Variants in PSPC1 observed in about 807,000 individuals in gnomAD.
The protein encoded by PSPC1 is paraspeckle protein 1.
A neutral mutation model predicts 51.6 loss-of-function variants in PSPC1; 14 were observed. The observed-to-expected ratio is 0.27, with a 90% CI of 0.18 to 0.42. The LOEUF is 0.42. Ranked by LOEUF, PSPC1 falls within the 10% of genes least tolerant of loss-of-function variation. The pLI is 1.00. For missense variants in PSPC1, 406 were observed against 701.1 expected (o/e 0.58, Z 4.75); for synonymous variants, 193 against 231.9 (o/e 0.83, Z 1.53).
At chr13:19,720,217 T>G (rs1389372533) in intron 6 of PSPC1, among the ~76,000 whole-genome samples, 1 of 152,218 alleles carries the variant, frequency 6.6e-6, no homozygotes, top group African/African-American at 2.4e-5. Flanking sequence ...CACATAATAC[T>G]GGTGACTGGT....
In PSPC1 at chr13:19,771,805, G is replaced by A. The variant is rs577466591; in HGVS notation, c.674+437C>T. 3.2e-4 allele frequency among the ~76,000 whole-genome samples: 49 copies of A among 152,210 alleles called. 1 individual carries two copies. Among genetic ancestry groups the A allele is most frequent in the African/African-American group, 1.1e-3 (46 of 41,548 alleles). On this transcript the variant is annotated intron_variant, in intron 2 of 8. Transcript: ENST00000338910. ...CCGGCTAATTTTTGTATTTTTAGTA[G>A]AGATGGGGTTTCATGCCATGTTGGC...
At chr13:19,716,665 A>C (rs984152607) in intron 6 of PSPC1, among the ~76,000 whole-genome samples, 1 of 152,254 alleles carries the variant, frequency 6.6e-6, no homozygotes, top group Non-Finnish European at 1.5e-5. Flanking sequence ...TAAAAAATAT[A>C]TAATTCTAGA....
At chr13:19,730,962 A>AAAAAC (rs1378090972) in intron 5 of PSPC1, among the ~76,000 whole-genome samples, 18 of 19,816 alleles carry the variant, frequency 9.1e-4, no homozygotes, top group Non-Finnish European at 3.3e-3. Context: ...AAAAACAAAA[A>AAAAAC]AACAAAAAAA....
intron 2 of PSPC1, among the ~76,000 whole-genome samples, chr13:19,769,690 G>C (rs1236045991): frequency 6.6e-6 from 1 of 152,128 alleles, no homozygotes; most frequent in Non-Finnish European, 1.5e-5. Flanking sequence ...AGCTGAGATC[G>C]CGCCATTGCA....
intron 2 of PSPC1, among the ~76,000 whole-genome samples, chr13:19,770,928 T>A (rs1014279294): frequency 4.0e-5 from 6 of 151,550 alleles, no homozygotes; most frequent in African/African-American, 1.5e-4. Context: ...AAACACCTCA[T>A]TGAGCTCTAC....
chr13:19,689,219 T>G (rs989978717), intron 6 of PSPC1, among the ~76,000 whole-genome samples: 4 of 152,122 alleles, frequency 2.6e-5, no homozygotes, highest in African/African-American at 4.8e-5. Flanking sequence ...CAGTTCAGAC[T>G]AGAGCAGGAA....
chr13:19,760,528 CAAAAA>C (rs1392875108), intron 2 of PSPC1, among the ~76,000 whole-genome samples: 1 of 109,020 alleles, frequency 9.2e-6, no homozygotes, highest in Non-Finnish European at 2.0e-5. Flanking sequence ...ACTCTGTCAC[CAAAAA>C]AAAAAAAAAA....
Position 19,777,071 on chromosome 13 carries a change from C to T in PSPC1, c.373-4528G>A, listed in dbSNP as rs116643216. The stretch of plus-strand genomic sequence containing the variant: ...CCTGGGGAGGCAAGGCTGCAGTGAG[C>T]CCAGTGTGCCACTGCACTCCAGCCT... On this transcript the variant is annotated intron_variant, in intron 1 of 8. Coordinates refer to ENST00000338910, the MANE Select transcript of PSPC1 (RefSeq NM_001354909.2). 8.8e-3 allele frequency among the ~76,000 whole-genome samples: 1,305 copies of T among 148,766 alleles called. 28 individuals are homozygous for T. The highest frequency in any genetic ancestry group is 0.03 in the African/African-American group (1,205 of 40,494).
intron 3 of PSPC1, among the ~76,000 whole-genome samples, chr13:19,753,669 T>G (rs1311524599): frequency 6.6e-6 from 1 of 152,116 alleles, no homozygotes; most frequent in African/African-American, 2.4e-5. Context: ...AATTTTAACT[T>G]TTATTTTGGG....
chr13:19,781,906 G>A (rs569187369), intron 1 of PSPC1, among the ~76,000 whole-genome samples: 6 of 152,344 alleles, frequency 3.9e-5, no homozygotes, highest in East Asian at 3.9e-4. Flanking sequence ...AGACCCTCAC[G>A]ACCAGTGATA....
At chr13:19,702,111 TC>T (rs1879980931), downstream of PSPC1, among the ~76,000 whole-genome samples, 2 of 133,046 alleles carry the variant, frequency 1.5e-5, no homozygotes, top group Admixed American at 7.7e-5. Flanking sequence ...TGGATGTCTC[TC>T]AGCATTATCT....
intron 6 of PSPC1, among the ~76,000 whole-genome samples, chr13:19,728,733 T>C (rs532871400): frequency 7.2e-5 from 11 of 152,168 alleles, no homozygotes; most frequent in Non-Finnish European, 1.2e-4. Context: ...GAAAAACTTG[T>C]GTAGATTCAT....
intron 7 of PSPC1, among the ~76,000 whole-genome samples, chr13:19,707,353 A>C (rs914565131): frequency 2.0e-5 from 3 of 152,246 alleles, no homozygotes; most frequent in Non-Finnish European, 2.9e-5. Flanking sequence ...ATTTAAAGAT[A>C]TAAAAAATGT....
chr13:19,683,715 C>T (rs2137600771), intron 6 of PSPC1, among the ~76,000 whole-genome samples: 1 of 152,148 alleles, frequency 6.6e-6, no homozygotes, highest in South Asian at 2.1e-4. Context: ...AAACCATGTT[C>T]AGATATAGGA....
intron 2 of PSPC1, among the ~76,000 whole-genome samples, chr13:19,769,103 C>T (rs771642100): frequency 3.3e-5 from 5 of 150,904 alleles, no homozygotes; most frequent in African/African-American, 1.2e-4. Flanking sequence ...GGAACCACTG[C>T]ACTCCAGCCT....
chr13:19,736,281 G>A lies in PSPC1; in HGVS notation c.1052+5284C>T, dbSNP rs150411484. 2.3e-4 allele frequency among the ~76,000 whole-genome samples: 35 copies of A among 152,228 alleles called. No individual in the cohort carries two copies. The East Asian group carries it at 4.6e-3, about 20-fold the overall frequency. On this transcript the variant is annotated intron_variant, in intron 5 of 8. Coordinates refer to ENST00000338910, the MANE Select transcript of PSPC1 (RefSeq NM_001354909.2). ...ATTTGGTCAAACATAAAGGTTACCC[G>A]TCAAATTATCACCTTATATTGAGAT...
intron 2 of PSPC1, among the ~76,000 whole-genome samples, chr13:19,759,725 T>C (rs1313589105): frequency 6.6e-6 from 1 of 151,630 alleles, no homozygotes; most frequent in African/African-American, 2.4e-5. Flanking sequence ...AGCCGGGCAT[T>C]GTGGTGTGTG....
intron 6 of PSPC1, among the ~76,000 whole-genome samples, chr13:19,724,941 G>A (rs1300437939): frequency 1.3e-5 from 2 of 152,128 alleles, no homozygotes; most frequent in African/African-American, 2.4e-5. Context: ...GGGGGTTGGA[G>A]TGGGCCGAAA....
intron 4 of PSPC1, among the ~76,000 whole-genome samples, chr13:19,747,616 C>T (rs530011015): frequency 6.6e-6 from 1 of 152,302 alleles, no homozygotes; most frequent in South Asian, 2.1e-4. Context: ...CAGGCATGAG[C>T]CACTACACCC....
Sources: allele counts gnomAD v4.1 joint callset (sites outside exome capture counted in the v4.1 genomes callset), GRCh38; gene constraint gnomAD v4.1.1; transcripts MANE v1.5; gene names NCBI Gene and HGNC (gene_info 2026-07-23, HGNC 2026-07-21).